The following TEK variants were observed in gnomAD, a reference collection of about 807,000 sequenced individuals.
TEK encodes TEK receptor tyrosine kinase, also known as angiopoietin-1 receptor.
A neutral mutation model predicts 131.8 loss-of-function variants in TEK; 43 were observed. The ratio of observed to expected loss-of-function variants is 0.33; its 90% CI spans 0.26 to 0.42. The LOEUF (loss-of-function observed/expected upper bound fraction) is 0.42. Ranked by LOEUF, TEK falls within the 10% of genes least tolerant of loss-of-function variation. TEK has a pLI of 1.00. For synonymous variants in TEK, 580 were observed against 491.6 expected (o/e 1.18, Z -2.38); for missense variants, 1,162 against 1,384.4 (o/e 0.84, Z 2.55).
At chr9:27,225,124 A>G (rs1826261554) in intron 21 of TEK, among the ~76,000 whole-genome samples, 1 of 152,218 alleles carries the variant, frequency 6.6e-6, no homozygotes, top group South Asian at 2.1e-4. Context: ...AAACAAATGG[A>G]AAAACATTCC....
intron 1 of TEK, among the ~76,000 whole-genome samples, chr9:27,114,223 G>A (rs376711197): frequency 3.3e-5 from 5 of 152,204 alleles, no homozygotes; most frequent in South Asian, 2.1e-4. Flanking sequence ...ACTTCACAGC[G>A]GAGCTGAAAG....
At chr9:27,119,362 T>C (rs1398413163) in intron 1 of TEK, among the ~76,000 whole-genome samples, 2 of 152,230 alleles carry the variant, frequency 1.3e-5, no homozygotes, top group Non-Finnish European at 1.5e-5. Flanking sequence ...TGCCGGCTCA[T>C]AGTTAGCACT....
intron 11 of TEK, among the ~76,000 whole-genome samples, chr9:27,194,881 G>A (rs1355298995): frequency 2.6e-5 from 4 of 152,106 alleles, no homozygotes; most frequent in East Asian, 3.9e-4. Flanking sequence ...AGTCCGGGAG[G>A]GGAAGGAAGA....
At position 27,197,433 on chromosome 9, in the gene TEK, G is replaced by T. The variant is rs775771256; in HGVS notation, c.1743G>T (p.Arg581Ser). Residue 581 changes from arginine to serine, a missense_variant, in exon 12 of 23, where the codon AGG becomes AGT. Coordinates refer to ENST00000380036, the MANE Select transcript of TEK (RefSeq NM_000459.5). ...ACTTTTATGTTGAAGTGGAGAGAAGGTCTGTGCAAAAAAGTGATCAGCAGA... is the reference window on the plus strand; with the variant it reads ...ACTTTTATGTTGAAGTGGAGAGAAGTTCTGTGCAAAAAAGTGATCAGCAGA... ...EDDFYVEVER[R>S]SVQKSDQQNI... The T allele has an allele frequency of 1.4e-5, 23 of 1,613,958 alleles. No homozygotes were observed. The highest frequency in any genetic ancestry group is 1.9e-5 in the Non-Finnish European group (22 of 1,180,004).
rs562870152 is a variant in TEK, at chr9:27,190,687, C to G, written c.1486C>G (p.Gln496Glu). 6.2e-7 allele frequency: 1 copy of G among 1,613,884 alleles called. No individual in the cohort carries two copies. Among genetic ancestry groups the G allele is most frequent in the East Asian group, 2.2e-5 (1 of 44,868 alleles). Residue 496 changes from glutamine to glutamate, a missense_variant, in exon 10 of 23, where the codon CAA (glutamine) becomes GAA (glutamate). Physicochemically the swap from Gln to Glu is conservative, Grantham distance 29. Transcript: ENST00000380036. ...VNHYEAWQHIQVTNEIVTLNY... is the reference protein window; with the variant it reads ...VNHYEAWQHIEVTNEIVTLNY... ...TCACTATGAGGCTTGGCAACATATT[C>G]AAGGTAAGCTTTGGACAGGATAGAT...
chr9:27,169,666 G>C, intron 4 of TEK, 37 bp downstream of exon 4: 1 of 1,612,780 alleles, frequency 6.2e-7, no homozygotes, highest in South Asian at 1.1e-5. Flanking sequence ...TGATGGTGTA[G>C]TTGTTAGGTT....
At chr9:27,162,890 A>G (rs1418975932) in intron 2 of TEK, among the ~76,000 whole-genome samples, 1 of 151,892 alleles carries the variant, frequency 6.6e-6, no homozygotes, top group African/African-American at 2.4e-5. Context: ...TTGTTTTCGT[A>G]TTTTTAGTAG....
At chr9:27,172,043 A>C (rs991637975) in intron 4 of TEK, among the ~76,000 whole-genome samples, 1 of 152,194 alleles carries the variant, frequency 6.6e-6, no homozygotes, top group African/African-American at 2.4e-5. Flanking sequence ...TGTTTTTCCT[A>C]ATCTCTGCTC....
intron 9 of TEK, among the ~76,000 whole-genome samples, chr9:27,190,277 A>G (rs1450700939): frequency 6.6e-6 from 1 of 152,164 alleles, no homozygotes; most frequent in Non-Finnish European, 1.5e-5. Context: ...TTTATCCTAC[A>G]TGTGATGAGA....
At chr9:27,110,199 C>G (rs1172219607) in intron 1 of TEK, among the ~76,000 whole-genome samples, 1 of 141,234 alleles carries the variant, frequency 7.1e-6, no homozygotes, top group African/African-American at 2.6e-5. Context: ...TAGTTAGGGT[C>G]AGGGAGATTG....
At chr9:27,115,594 G>C (rs1205400858) in intron 1 of TEK, among the ~76,000 whole-genome samples, 2 of 152,170 alleles carry the variant, frequency 1.3e-5, no homozygotes, top group African/African-American at 2.4e-5. Flanking sequence ...AAAATGAGTA[G>C]TATTTTGAAA....
chr9:27,200,464 G>A (rs966911354), intron 12 of TEK, among the ~76,000 whole-genome samples: 1 of 152,198 alleles, frequency 6.6e-6, no homozygotes, highest in African/African-American at 2.4e-5. Flanking sequence ...GTTTGATGGA[G>A]GGTCAATGCT....
chr9:27,198,350 G>C (rs1326111174), intron 12 of TEK: 4 of 152,432 alleles, frequency 2.6e-5, no homozygotes, highest in African/African-American at 9.7e-5. Context: ...AGCAGGGTCA[G>C]GCCTGGATGG....
intron 21 of TEK, among the ~76,000 whole-genome samples, chr9:27,222,531 C>G (rs943920744): frequency 6.6e-6 from 1 of 152,140 alleles, no homozygotes; most frequent in African/African-American, 2.4e-5. Flanking sequence ...AGAAACCCTA[C>G]GAGCCAGAAG....
intron 21 of TEK, among the ~76,000 whole-genome samples, chr9:27,227,735 CAT>C (rs1437808723): frequency 1.3e-5 from 2 of 152,194 alleles, no homozygotes; most frequent in East Asian, 3.8e-4. Context: ...GGTTTCAACA[CAT>C]GATTTTTGGG....
intron 1 of TEK, among the ~76,000 whole-genome samples, chr9:27,149,903 AACACAGTGCATTTAG>A (rs1211679183): frequency 6.6e-6 from 1 of 152,154 alleles, no homozygotes; most frequent in Non-Finnish European, 1.5e-5. Context: ...GGTGCTGATA[AACACAGTGCATTTAG>A]AGAGCATCCC....
intron 1 of TEK, among the ~76,000 whole-genome samples, chr9:27,154,573 T>C (rs1359672796): frequency 6.6e-6 from 1 of 152,268 alleles, no homozygotes; most frequent in African/African-American, 2.4e-5. Context: ...TCTTTTTATG[T>C]GTCACCTTCT....
At chr9:27,213,038 A>G (rs755368205) in intron 17 of TEK, 141 bp downstream of exon 17, 10 of 879,074 alleles carry the variant, frequency 1.1e-5, no homozygotes, top group Non-Finnish European at 1.6e-5. Flanking sequence ...CTCTGTGAAT[A>G]GTCCATCTAT....
intron 9 of TEK, 133 bp from the exon 10 acceptor site, chr9:27,190,396 T>G (rs928334881): frequency 2.0e-5 from 20 of 1,008,466 alleles, no homozygotes; most frequent in Non-Finnish European, 3.0e-5. Flanking sequence ...GAGCAGGTGA[T>G]CTCACTGAGT....
Sources: allele counts gnomAD v4.1 joint callset (sites outside exome capture counted in the v4.1 genomes callset), GRCh38; gene constraint gnomAD v4.1.1; transcripts MANE v1.5; gene names NCBI Gene and HGNC (gene_info 2026-07-23, HGNC 2026-07-21).